CUX1: variants seen among roughly 807,000 people sequenced by gnomAD.
The protein encoded by CUX1 is protein CASP.
A neutral mutation model predicts 158.8 loss-of-function variants in CUX1; 31 were observed. The observed-to-expected ratio is 0.20, with a 90% CI of 0.15 to 0.26. The LOEUF (loss-of-function observed/expected upper bound fraction) is 0.26, where lower values mean the gene tolerates loss of function less well. Among genes scored for constraint, CUX1 ranks in the 10% least tolerant of loss-of-function variants. CUX1 has a pLI of 1.00. For synonymous variants in CUX1, 879 were observed against 862.1 expected (o/e 1.02, Z -0.34); for missense variants, 1,589 against 2,014.6 (o/e 0.79, Z 4.04).
chr7:102,023,885 CA>C (rs1285552646), intron 2 of CUX1, among the ~76,000 whole-genome samples: 1 of 151,994 alleles, frequency 6.6e-6, no homozygotes, highest in Non-Finnish European at 1.5e-5. Context: ...GCTTTAATAT[CA>C]AAAAGGTTAT....
rs540528439 is a variant in CUX1 at position 101,921,143 on chromosome 7, C to T, written c.141+4918C>T. On this transcript the variant is annotated intron_variant, in intron 2 of 23. Transcript: ENST00000292535. ...CCAGCTCTGATTTTTGTATTTCTTA[C>T]TTAAGGCGACATACTTAGTAGCTGT... Among the ~76,000 whole-genome samples the T allele has an allele frequency of 1.4e-3, 210 of 152,296 alleles. 1 individual carries two copies. The highest frequency in any genetic ancestry group is 5.0e-3 in the African/African-American group (206 of 41,558).
At chr7:102,200,202 T>C (rs1401955912) in intron 17 of CUX1, 30 bp downstream of exon 17, 3 of 1,559,972 alleles carry the variant, frequency 1.9e-6, no homozygotes, top group African/African-American at 2.7e-5. Context: ...ATCCACTGTC[T>C]TCAAACTTAA....
intron 2 of CUX1, among the ~76,000 whole-genome samples, chr7:102,011,453 C>T (rs1563127343): frequency 6.6e-6 from 1 of 151,684 alleles, no homozygotes; most frequent in African/African-American, 2.4e-5. Flanking sequence ...TGCTTGCTTG[C>T]TTATTTATTT....
chr7:101,930,619 G>A (rs1806177622), intron 2 of CUX1, among the ~76,000 whole-genome samples: 1 of 152,222 alleles, frequency 6.6e-6, no homozygotes, highest in Non-Finnish European at 1.5e-5. Context: ...TGACTGGCCT[G>A]TTATGCAGAG....
intron 3 of CUX1, among the ~76,000 whole-genome samples, chr7:102,053,802 CTTT>C (rs750818355): frequency 1.7e-5 from 2 of 119,870 alleles, no homozygotes. Flanking sequence ...TGTCTTCTCA[CTTT>C]TTTTTTTTTT....
chr7:102,198,433 A>G (rs1239067859), intron 15 of CUX1, among the ~76,000 whole-genome samples: 1 of 152,218 alleles, frequency 6.6e-6, no homozygotes, highest in Non-Finnish European at 1.5e-5. Flanking sequence ...CACCAAGAAA[A>G]TGCAGTGTTT....
At position 102,248,388 on chromosome 7, in the gene CUX1, T is replaced by G; in HGVS notation, c.3888-24T>G. 6.4e-7 allele frequency: 1 copy of G among 1,564,568 alleles called. No individual in the cohort carries two copies. Among genetic ancestry groups the G allele is most frequent in the Non-Finnish European group, 8.6e-7 (1 of 1,161,848 alleles). On this transcript the variant is annotated intron_variant, in intron 23 of 23. Transcript: ENST00000292535. The surrounding 1 kb of genome is among the most constrained non-coding windows in gnomAD (Gnocchi z 5.8). ...TTTCCCCAGCAGCACCCCCCTCACG[T>G]CCCCGCCGCTTGTTGTCTTGTAGGT...
At chr7:102,141,397 G>A (rs567571405) in intron 8 of CUX1, among the ~76,000 whole-genome samples, 1 of 152,238 alleles carries the variant, frequency 6.6e-6, no homozygotes, top group Non-Finnish European at 1.5e-5. Flanking sequence ...GAAGCCACAG[G>A]TGAGCCAAGC....
Position 102,200,053 on chromosome 7 carries a change from C to T in CUX1, c.1961-18C>T, listed in dbSNP as rs782771227. ...CGGGGTTTGGGTTTGATGTCATTGG[C>T]GCAACTTCTCCCCACAGGTAACATC... On this transcript the variant is annotated intron_variant, in intron 16 of 23. Transcript: ENST00000292535. 1.9e-5 allele frequency: 30 copies of T among 1,592,790 alleles called. No individual in the cohort carries two copies. The highest frequency in any genetic ancestry group is 2.3e-5 in the Non-Finnish European group (27 of 1,170,990).
chr7:102,189,735 C>G (rs570615931), intron 11 of CUX1, 78 bp from the exon 12 acceptor site: 2 of 1,487,466 alleles, frequency 1.3e-6, no homozygotes, highest in Non-Finnish European at 1.9e-6. Flanking sequence ...GCTGGCTGTT[C>G]CGCAGTGAAT....
intron 4 of CUX1, among the ~76,000 whole-genome samples, chr7:102,076,140 T>G (rs782363795): frequency 6.6e-6 from 1 of 152,118 alleles, no homozygotes; most frequent in Non-Finnish European, 1.5e-5. Context: ...CCCAGCACTT[T>G]GGGAGGCCGA....
At chr7:101,849,912 A>ATTTTTT (rs71106570) in intron 1 of CUX1, among the ~76,000 whole-genome samples, 1 of 124,298 alleles carries the variant, frequency 8.0e-6, no homozygotes, top group Non-Finnish European at 1.6e-5. Context: ...GTCTCATGCA[A>ATTTTTT]TTTTTTTTTT....
intron 1 of CUX1, among the ~76,000 whole-genome samples, chr7:101,911,208 G>A (rs1399637671): frequency 6.6e-6 from 1 of 152,236 alleles, no homozygotes. Flanking sequence ...TCAGCCCTGT[G>A]GTGGATGATC....
chr7:101,944,480 C>T (rs772053754), intron 2 of CUX1, among the ~76,000 whole-genome samples: 15 of 152,212 alleles, frequency 9.9e-5, no homozygotes, highest in African/African-American at 1.4e-4. Flanking sequence ...CATGCTCCTC[C>T]GTGACTGTTT....
intron 20 of CUX1, among the ~76,000 whole-genome samples, chr7:102,224,104 T>A (rs1005166921): frequency 6.6e-6 from 1 of 152,276 alleles, no homozygotes; most frequent in Non-Finnish European, 1.5e-5. Context: ...CCTGTTTCTT[T>A]GACCTGAGAC....
intron 3 of CUX1, among the ~76,000 whole-genome samples, chr7:102,048,576 C>A (rs1823111520): frequency 6.6e-6 from 1 of 152,190 alleles, no homozygotes. Context: ...TGCCTGTAAT[C>A]CCAGCAATTT....
intron 20 of CUX1, among the ~76,000 whole-genome samples, chr7:102,226,817 G>A (rs1478127142): frequency 6.6e-6 from 1 of 152,160 alleles, no homozygotes; most frequent in Non-Finnish European, 1.5e-5. Flanking sequence ...TTTTAGTAGA[G>A]ATGGAGTTTC....
intron 10 of CUX1, among the ~76,000 whole-genome samples, chr7:102,175,272 T>C (rs1792185076): frequency 6.6e-6 from 1 of 152,224 alleles, no homozygotes; most frequent in African/African-American, 2.4e-5. Context: ...CCAGATACAT[T>C]CACTTTGACT....
chr7:101,816,841 GCCCCGGCCGCCGC>G (rs1791867607), upstream of CUX1: 3 of 887,280 alleles, frequency 3.4e-6, no homozygotes, highest in Admixed American at 6.6e-5. Context: ...CCCCCGGCCG[GCCCCGGCCGCCGC>G]CCCCGGCTGT....
Sources: gnomAD v4.1 joint callset for allele counts (sites outside exome capture counted in the v4.1 genomes callset) on GRCh38, gnomAD v4.1.1 for gene constraint, Gnocchi (gnomAD v3.1) non-coding constraint, MANE v1.5 for transcripts, NCBI Gene and HGNC (gene_info 2026-07-23, HGNC 2026-07-21) for gene names.